The following SH3RF1 variants were observed in gnomAD, a reference collection of about 807,000 sequenced individuals.
SH3RF1 encodes E3 ubiquitin-protein ligase SH3RF1.
In SH3RF1, 32 loss-of-function variants were observed where a neutral mutation model predicts 74.0. The observed-to-expected ratio is 0.43, with a 90% CI of 0.33 to 0.58. The LOEUF (loss-of-function observed/expected upper bound fraction) is 0.58. Among genes scored for constraint, SH3RF1 ranks in the 20% least tolerant of loss-of-function variants. SH3RF1 has a pLI of 0.05. For missense variants in SH3RF1, 954 were observed against 1,130.9 expected (o/e 0.84, Z 2.24); for synonymous variants, 396 against 439.6 (o/e 0.90, Z 1.24).
chr4:169,099,523 G>A (rs527767634), intron 11 of SH3RF1, among the ~76,000 whole-genome samples: 3 of 152,226 alleles, frequency 2.0e-5, no homozygotes, highest in Admixed American at 2.0e-4. Flanking sequence ...TTGCCATGTG[G>A]GGCAAGTTAA....
At chr4:169,154,388 G>T (rs562428842) in intron 4 of SH3RF1, among the ~76,000 whole-genome samples, 2 of 152,252 alleles carry the variant, frequency 1.3e-5, no homozygotes, top group African/African-American at 2.4e-5. Flanking sequence ...TGGCTACAAT[G>T]ATACAGTTTG....
At chr4:169,238,487 T>C (rs1730853480) in intron 2 of SH3RF1, among the ~76,000 whole-genome samples, 2 of 152,254 alleles carry the variant, frequency 1.3e-5, no homozygotes, top group Admixed American at 6.5e-5. Flanking sequence ...TACATTCTTA[T>C]ACATCTTGTC....
chr4:169,238,570 A>G (rs1488252097), intron 2 of SH3RF1, among the ~76,000 whole-genome samples: 1 of 152,218 alleles, frequency 6.6e-6, no homozygotes, highest in Non-Finnish European at 1.5e-5. Context: ...GTGACTTTCC[A>G]AAAATTGAAG....
intron 10 of SH3RF1, among the ~76,000 whole-genome samples, chr4:169,110,316 C>A (rs1733219418): frequency 6.6e-6 from 1 of 151,978 alleles, no homozygotes; most frequent in Non-Finnish European, 1.5e-5. Flanking sequence ...TGCACCACTG[C>A]ACTCCAGCCT....
At chr4:169,152,486 C>T (rs2126962964) in intron 4 of SH3RF1, among the ~76,000 whole-genome samples, 1 of 152,250 alleles carries the variant, frequency 6.6e-6, no homozygotes, top group South Asian at 2.1e-4. Flanking sequence ...GCTTGTAATC[C>T]CAGCACTTTG....
intron 2 of SH3RF1, among the ~76,000 whole-genome samples, chr4:169,171,383 A>G (rs1270813805): frequency 6.6e-6 from 1 of 152,228 alleles, no homozygotes; most frequent in African/African-American, 2.4e-5. Flanking sequence ...CCAAGATCTC[A>G]GAACAGTCTC....
At chr4:169,142,882 C>T (rs1482930967) in intron 4 of SH3RF1, among the ~76,000 whole-genome samples, 1 of 152,120 alleles carries the variant, frequency 6.6e-6, no homozygotes, top group African/African-American at 2.4e-5. Flanking sequence ...CCATTTGTCT[C>T]CTATTCTTCC....
chr4:169,122,112 G>A lies in SH3RF1; in HGVS notation c.1334C>T (p.Thr445Ile), dbSNP rs1046797451. Reference protein sequence around the residue: ...TDQIAHLRPQTRPSVYVAIYP... With the variant: ...TDQIAHLRPQIRPSVYVAIYP... ...CACGCTCACTTACACACTGGGGCGA[G>A]TCTGCGGCCGTAAATGTGCAATCTG... The change falls in exon 7 of 12, where the codon ACT (threonine) becomes ATT (isoleucine). Residue 445 changes from threonine to isoleucine, a missense_variant. Coordinates refer to ENST00000284637, the MANE Select transcript of SH3RF1 (RefSeq NM_020870.4). The A allele has an allele frequency of 1.9e-6, 3 of 1,612,472 alleles. No homozygotes were observed. Among genetic ancestry groups the A allele is most frequent in the African/African-American group, 1.3e-5 (1 of 74,890 alleles).
chr4:169,234,315 C>A lies in SH3RF1; in HGVS notation c.393+34505G>T, dbSNP rs562198687. 3.3e-5 allele frequency among the ~76,000 whole-genome samples: 5 copies of A among 152,174 alleles called. No homozygotes were observed. The East Asian group carries it at 9.7e-4, about 29-fold the overall frequency. On this transcript the variant is annotated intron_variant, in intron 2 of 11. Coordinates refer to ENST00000284637, the MANE Select transcript of SH3RF1 (RefSeq NM_020870.4). Reference sequence around the variant, plus strand: ...CTAGAATGCACAAAAGAAACACCCTCCCCACCCCCCAAAAAGAATTATTCA... The same window carrying A: ...CTAGAATGCACAAAAGAAACACCCTACCCACCCCCCAAAAAGAATTATTCA...
chr4:169,265,503 C>T (rs560284751), intron 2 of SH3RF1, among the ~76,000 whole-genome samples: 12 of 145,146 alleles, frequency 8.3e-5, no homozygotes, highest in Admixed American at 3.4e-4. Flanking sequence ...GATGGAGTTT[C>T]GCTCTTTTTG....
At chr4:169,128,616 T>A (rs1200666064) in intron 6 of SH3RF1, among the ~76,000 whole-genome samples, 1 of 152,102 alleles carries the variant, frequency 6.6e-6, no homozygotes. Context: ...TATAGATGTA[T>A]CAAGACAAAA....
chr4:169,257,689 T>C (rs911161068), intron 2 of SH3RF1, among the ~76,000 whole-genome samples: 12 of 152,252 alleles, frequency 7.9e-5, no homozygotes, highest in Non-Finnish European at 1.2e-4. Context: ...CATTTTAATA[T>C]GCAGACAATC....
intron 2 of SH3RF1, among the ~76,000 whole-genome samples, chr4:169,186,524 AT>A (rs938875423): frequency 2.0e-5 from 3 of 152,008 alleles, no homozygotes; most frequent in African/African-American, 7.2e-5. Flanking sequence ...TTACACTATT[AT>A]AAAAGGACCC....
intron 2 of SH3RF1, among the ~76,000 whole-genome samples, chr4:169,241,627 T>A (rs1579158450): frequency 6.6e-6 from 1 of 152,286 alleles, no homozygotes; most frequent in East Asian, 1.9e-4. Flanking sequence ...GGGCCCAAGT[T>A]CAGCTGCTCC....
intron 2 of SH3RF1, among the ~76,000 whole-genome samples, chr4:169,159,832 T>C (rs998419474): frequency 6.6e-6 from 1 of 152,206 alleles, no homozygotes; most frequent in South Asian, 2.1e-4. Flanking sequence ...TGTATAACAA[T>C]GCAAAGAATG....
intron 2 of SH3RF1, among the ~76,000 whole-genome samples, chr4:169,158,379 T>A (rs755132464): frequency 3.3e-5 from 5 of 152,156 alleles, no homozygotes; most frequent in Non-Finnish European, 1.5e-5. Context: ...AGAAGTCACA[T>A]GTGCAGCGGG....
chr4:169,159,287 T>C (rs1734114346), intron 2 of SH3RF1, among the ~76,000 whole-genome samples: 1 of 152,226 alleles, frequency 6.6e-6, no homozygotes, highest in Admixed American at 6.5e-5. Context: ...CTCCACTATA[T>C]TATGTATTTC....
intron 2 of SH3RF1, among the ~76,000 whole-genome samples, chr4:169,161,733 TCA>T (rs1241830146): frequency 3.3e-5 from 5 of 152,206 alleles, no homozygotes; most frequent in African/African-American, 1.2e-4. Flanking sequence ...ATTTAATAAC[TCA>T]GTTATATCTA....
At chr4:169,236,503 T>A (rs1343409297) in intron 2 of SH3RF1, among the ~76,000 whole-genome samples, 1 of 152,240 alleles carries the variant, frequency 6.6e-6, no homozygotes, top group Non-Finnish European at 1.5e-5. Context: ...CTAAGTAATA[T>A]CGTTACTTAT....
Sources: gnomAD v4.1 joint callset for allele counts (sites outside exome capture counted in the v4.1 genomes callset) on GRCh38, gnomAD v4.1.1 for gene constraint, MANE v1.5 for transcripts, NCBI Gene and HGNC (gene_info 2026-07-23, HGNC 2026-07-21) for gene names.